MROH1: variants seen among roughly 807,000 people sequenced by gnomAD.
MROH1 encodes the protein maestro heat-like repeat-containing protein family member 1.
MROH1 carries 117 observed loss-of-function variants against 116.5 expected under a neutral mutation model. The ratio of observed to expected loss-of-function variants is 1.00; its 90% CI spans 0.86 to 1.17. The LOEUF (loss-of-function observed/expected upper bound fraction) is 1.17, where lower values mean the gene tolerates loss of function less well. Among genes scored for constraint, MROH1 ranks in the 50% most tolerant of loss-of-function variants. MROH1 has a pLI of 0.00. For missense variants in MROH1, 1,873 were observed against 1,338.5 expected, an observed-to-expected ratio of 1.40 and a Z score of -6.23; for synonymous variants, 921 against 583.9, an observed-to-expected ratio of 1.58 and a Z score of -8.32.
chr8:144,205,390 T>C (rs887570994), intron 12 of MROH1, among the ~76,000 whole-genome samples: 4 of 152,144 alleles, frequency 2.6e-5, no homozygotes, highest in Non-Finnish European at 5.9e-5. Flanking sequence ...TAGAATCTGT[T>C]ACTGCTATTG....
At chr8:144,242,161 C>A in intron 22 of MROH1, 1 of 646,224 alleles carries the variant, frequency 1.5e-6, no homozygotes, top group Admixed American at 2.3e-5. Context: ...CCATGCCTGG[C>A]TGGCTGCCTG....
In MROH1 at chr8:144,242,598, T is replaced by A. The variant is rs1206792515; in HGVS notation, c.2326-4T>A. The A allele has an allele frequency of 3.2e-5, 25 of 780,174 alleles. No individual in the cohort carries two copies. In the Admixed American group the frequency reaches 4.2e-4, roughly 13 times the overall value. 48.3% of individuals were successfully genotyped at this position (780,174 alleles called of 1,614,324 possible). Reference sequence around the variant, plus strand: ...CTTAACTCATTTCACTTTTTGTTGTTCAGGTTCTAGGAATAAAGGTAGAAA... The same window carrying A: ...CTTAACTCATTTCACTTTTTGTTGTACAGGTTCTAGGAATAAAGGTAGAAA... On this transcript the variant is annotated splice_polypyrimidine_tract_variant and splice_region_variant and intron_variant, in intron 23 of 43. Coordinates refer to ENST00000326134, the MANE Select transcript of MROH1 (RefSeq NM_032450.3).
rs1204025755 is a variant in MROH1, at chr8:144,168,428, G to A, written c.156G>A (p.Arg52=). The part of the protein sequence containing the change: ...ETLRACEEYL[R]QHDKLAHPYR... ...TCCGTGCCTGCGAGGAGTATCTGCG[G>A]CAGCATGACAAGGTATGTGTGCTCC... Residue 52 remains arginine, a synonymous_variant, in exon 4 of 44, where the codon CGG becomes CGA. Transcript: ENST00000326134. The A allele has an allele frequency of 3.1e-6, 5 of 1,608,140 alleles. No homozygotes were observed. The highest frequency in any genetic ancestry group is 4.2e-6 in the Non-Finnish European group (5 of 1,177,932).
chr8:144,217,471 C>G (rs1431851537), intron 12 of MROH1, among the ~76,000 whole-genome samples: 1 of 152,188 alleles, frequency 6.6e-6, no homozygotes, highest in Non-Finnish European at 1.5e-5. Context: ...CACATCGGGT[C>G]GCAATCATTT....
intron 35 of MROH1, among the ~76,000 whole-genome samples, chr8:144,256,371 A>G (rs1246703441): frequency 1.5e-5 from 2 of 133,628 alleles, no homozygotes; most frequent in Non-Finnish European, 3.4e-5. Flanking sequence ...GCCAGGACAC[A>G]CCAGGGGGAC....
chr8:144,215,968 T>C (rs1835165692), intron 12 of MROH1, among the ~76,000 whole-genome samples: 1 of 149,638 alleles, frequency 6.7e-6, no homozygotes. Flanking sequence ...ACGGATCACC[T>C]GCGGTCAGGA....
chr8:144,183,557 G>A (rs538755031), intron 7 of MROH1, among the ~76,000 whole-genome samples: 1 of 151,874 alleles, frequency 6.6e-6, no homozygotes, highest in African/African-American at 2.4e-5. Flanking sequence ...AGGTCAAGAG[G>A]GGAGGTGAGA....
At chr8:144,242,807 C>T (rs1185808461) in intron 24 of MROH1, among the ~76,000 whole-genome samples, 179 bp downstream of exon 24, 2 of 152,220 alleles carry the variant, frequency 1.3e-5, no homozygotes, top group Non-Finnish European at 2.9e-5. Flanking sequence ...GGCCTGGGCC[C>T]TGGACGGCAG....
chr8:144,198,047 CAAAAAAA>C (rs11366876), intron 10 of MROH1, among the ~76,000 whole-genome samples: 39 of 116,844 alleles, frequency 3.3e-4, no homozygotes, highest in African/African-American at 5.3e-4. Flanking sequence ...AAAACTGTTT[CAAAAAAA>C]AAAAAAAAAA....
chr8:144,261,740 AG>A lies in MROH1; in HGVS notation c.*2del. ...TGGGCCGCCTGGTGAAGCTCGCCTAAGGCTCCGGCCAGCACCCCCAGCGAGG... is the reference window on the plus strand; with the variant it reads ...TGGGCCGCCTGGTGAAGCTCGCCTAAGCTCCGGCCAGCACCCCCAGCGAGG... On this transcript the variant is annotated 3_prime_UTR_variant, in exon 44 of 44. Coordinates refer to ENST00000326134, the MANE Select transcript of MROH1 (RefSeq NM_032450.3). The A allele has an allele frequency of 1.4e-6, 1 of 711,464 alleles. No individual in the cohort carries two copies. Among genetic ancestry groups the A allele is most frequent in the Non-Finnish European group, 2.6e-6 (1 of 390,534 alleles). The allele number at this position is 711,464 out of a possible 1,614,324, so 44.1% of individuals were successfully genotyped here. A position where few individuals can be genotyped will look rare whatever the true frequency, so the allele number is the denominator to read the frequency against.
chr8:144,235,835 GTACA>G (rs1839949876), intron 14 of MROH1, among the ~76,000 whole-genome samples: 1 of 152,152 alleles, frequency 6.6e-6, no homozygotes, highest in Non-Finnish European at 1.5e-5. Flanking sequence ...ACACATATAG[GTACA>G]TACATGCACA....
chr8:144,253,335 G>A (rs1003435311), intron 33 of MROH1, among the ~76,000 whole-genome samples: 8 of 152,350 alleles, frequency 5.3e-5, no homozygotes, highest in Non-Finnish European at 8.8e-5. Flanking sequence ...CAGCCGCTCC[G>A]TCCACTTCCA....
chr8:144,169,531 A>C (rs1821902009), intron 4 of MROH1, among the ~76,000 whole-genome samples: 2 of 150,608 alleles, frequency 1.3e-5, no homozygotes, highest in African/African-American at 2.4e-5. Context: ...GGCTCACTGC[A>C]ACGTCCACCT....
At position 144,184,191 on chromosome 8, in the gene MROH1, T is replaced by C. The variant is rs573965356; in HGVS notation, c.562+3668T>C. Among the ~76,000 whole-genome samples the C allele has an allele frequency of 3.4e-4, 52 of 152,354 alleles. 1 individual carries two copies. Among genetic ancestry groups the C allele is most frequent in the South Asian group, 2.7e-3 (13 of 4,830 alleles). On this transcript the variant is annotated intron_variant, in intron 7 of 43. Coordinates refer to ENST00000326134, the MANE Select transcript of MROH1 (RefSeq NM_032450.3). ...CTGGGAAGCCCTTAAGCTGAGACGT[T>C]AGCCGTGTAAATGGGCCGGGCTGAA...
chr8:144,253,681 C>T (rs906273668), intron 33 of MROH1, among the ~76,000 whole-genome samples: 2 of 152,016 alleles, frequency 1.3e-5, no homozygotes, highest in African/African-American at 4.8e-5. Context: ...AAGGACGCTC[C>T]TGGAATTCCC....
At position 144,247,663 on chromosome 8, in the gene MROH1, G is replaced by C; in HGVS notation, c.3104G>C (p.Cys1035Ser). Residue 1035 changes from cysteine (C) to serine (S), a missense_variant, in exon 31 of 44, where the codon TGC (cysteine) becomes TCC (serine). Physicochemically the swap from Cys to Ser is moderately radical, Grantham distance 112. Coordinates refer to ENST00000326134, the MANE Select transcript of MROH1 (RefSeq NM_032450.3). ...GACCCCGCCATTCTCTTCCACACCT[G>C]CCACAGTGTAGGCCAGGTACCAGCT... ...HPDPAILFHT[C>S]HSVGQIIAKR... 1 of 768,184 alleles carries C rather than the reference G, an allele frequency of 1.3e-6. No individual in the cohort carries two copies. The highest frequency in any genetic ancestry group is 2.4e-6 in the Non-Finnish European group (1 of 416,844). The allele number at this position is 768,184 out of a possible 1,614,324, so 47.6% of individuals were successfully genotyped here.
intron 4 of MROH1, among the ~76,000 whole-genome samples, chr8:144,177,980 T>TTC (rs1824465619): frequency 6.6e-6 from 1 of 151,458 alleles, no homozygotes; most frequent in South Asian, 2.1e-4. Context: ...TTTTTTTTTT[T>TTC]CTTTGAGACA....
intron 7 of MROH1, among the ~76,000 whole-genome samples, chr8:144,190,253 C>A (rs1027756036): frequency 1.3e-5 from 2 of 152,286 alleles, no homozygotes; most frequent in African/African-American, 4.8e-5. Context: ...TCTGGCCAGG[C>A]GCGGTGGCTG....
chr8:144,207,531 G>A (rs1833107862), intron 12 of MROH1, among the ~76,000 whole-genome samples: 2 of 151,844 alleles, frequency 1.3e-5, no homozygotes, highest in African/African-American at 4.8e-5. Context: ...ATAGAGAGAG[G>A]GTCTCACTAC....
Sources: gnomAD v4.1 joint callset for allele counts (sites outside exome capture counted in the v4.1 genomes callset) on GRCh38, gnomAD v4.1.1 for gene constraint, MANE v1.5 for transcripts, NCBI Gene and HGNC (gene_info 2026-07-23, HGNC 2026-07-21) for gene names.